The following MAPT variants were observed in gnomAD, a reference collection of about 807,000 sequenced individuals.
MAPT encodes the protein microtubule-associated protein tau.
In MAPT, 34 loss-of-function variants were observed where a neutral mutation model predicts 67.9. That is an observed-to-expected ratio of 0.50 (90% CI 0.38 to 0.67). The LOEUF (loss-of-function observed/expected upper bound fraction) is 0.67. MAPT is among the 30% of genes least tolerant of loss of function. The pLI is 0.00. For synonymous variants in MAPT, 456 were observed against 464.5 expected, an observed-to-expected ratio of 0.98 and a Z score of 0.23; for missense variants, 881 against 1,115.2, an observed-to-expected ratio of 0.79 and a Z score of 2.99.
rs1172386152 is a variant in MAPT at position 45,918,082 on chromosome 17, T to A, written c.-18+23396T>A. On this transcript the variant is annotated intron_variant, in intron 1 of 12. Coordinates refer to ENST00000262410, the MANE Select transcript of MAPT (RefSeq NM_001377265.1). ...AGCCACCATGCCCAGCCAGCATCTT[T>A]CATTTTTCTGTCTGCTTTGGCCCTT... Among the ~76,000 whole-genome samples the A allele has an allele frequency of 2.0e-5, 3 of 152,102 alleles. No homozygotes were observed. The East Asian group carries it at 5.8e-4, about 29-fold the overall frequency.
Position 45,996,675 on chromosome 17 carries a change from C to T in MAPT, c.1998+11C>T. ...CCGGGAGGCGGGAAGGTGAGAGTGGCTGGCTGCGCGTGGAGGTGTGGGGGG... is the reference window on the plus strand; with the variant it reads ...CCGGGAGGCGGGAAGGTGAGAGTGGTTGGCTGCGCGTGGAGGTGTGGGGGG... On this transcript the variant is annotated intron_variant, in intron 9 of 12. Coordinates refer to ENST00000262410, the MANE Select transcript of MAPT (RefSeq NM_001377265.1). This position sits in a 1 kb window ranked among gnomAD's most constrained non-coding sequence, Gnocchi z 4.5. The T allele has an allele frequency of 1.2e-6, 2 of 1,612,854 alleles. No homozygotes were observed. The highest frequency in any genetic ancestry group is 2.2e-5 in the South Asian group (2 of 90,958).
At chr17:45,994,699 C>A (rs1395477406) in intron 8 of MAPT, among the ~76,000 whole-genome samples, 1 of 152,074 alleles carries the variant, frequency 6.6e-6, no homozygotes, top group Non-Finnish European at 1.5e-5. Context: ...AAGTCAAATT[C>A]TAAAAACTGG....
chr17:45,921,976 T>G (rs2065774553), intron 1 of MAPT, among the ~76,000 whole-genome samples: 1 of 151,692 alleles, frequency 6.6e-6, no homozygotes, highest in Non-Finnish European at 1.5e-5. Flanking sequence ...CTGAGGCGCC[T>G]CTTTCTGGCT....
Position 46,023,938 on chromosome 17 carries a change from CCCTT to C in MAPT, c.2287-14_2287-11del, listed in dbSNP as rs1392366635. On this transcript the variant is annotated splice_polypyrimidine_tract_variant and intron_variant, in intron 12 of 12. Transcript: ENST00000262410. ...TCTGGCACTTCATCTCACCCTCCCT[CCCTT>C]CCTCTTCTTGCAGATTGAAACCCAC... 1.9e-6 allele frequency: 3 copies of C among 1,610,746 alleles called. No homozygotes were observed. The highest frequency in any genetic ancestry group is 1.7e-6 in the Non-Finnish European group (2 of 1,177,358).
chr17:46,028,261 T>G lies in MAPT; in HGVS notation c.*4090T>G, dbSNP rs2076905986. The G allele has an allele frequency of 6.6e-6, 1 of 152,614 alleles. No individual in the cohort carries two copies. The highest frequency in any genetic ancestry group is 1.5e-5 in the Non-Finnish European group (1 of 68,034). 9.5% of individuals were successfully genotyped at this position (152,614 alleles called of 1,614,324 possible). On this transcript the variant is annotated 3_prime_UTR_variant, in exon 13 of 13. Transcript: ENST00000262410. ...GTGAATGTCTATATAGTGTATTGTG[T>G]GTTTTAACAAATGATTTACACTGAC...
At chr17:45,895,114 G>A (rs2063086007) in intron 1 of MAPT, 1 of 151,026 alleles carries the variant, frequency 6.6e-6, no homozygotes, top group Non-Finnish European at 1.5e-5. Flanking sequence ...AACGACCCCC[G>A]AAACCGAATC....
At chr17:45,946,615 A>AAAAAAAAATATATATATATATATATAT in intron 1 of MAPT, among the ~76,000 whole-genome samples, 3 of 100,406 alleles carry the variant, frequency 3.0e-5, no homozygotes, top group Admixed American at 2.3e-4. Flanking sequence ...AAAAAAAAAA[A>AAAAAAAAATATATATATATATATATAT]ATATATATAT....
intron 3 of MAPT, chr17:45,972,640 A>G (rs1019223363): frequency 6.0e-6 from 1 of 167,474 alleles, no homozygotes; most frequent in African/African-American, 2.4e-5. Flanking sequence ...CAGCACCTCA[A>G]GGGTCATTGA....
Position 45,983,121 on chromosome 17 carries a change from GGGCCGAGAAGGGTCC to G in MAPT, c.547_561del (p.Glu183_Ala187del), listed in dbSNP as rs1237907667. 2 of 1,569,998 alleles carry G rather than the reference GGGCCGAGAAGGGTCC, an allele frequency of 1.3e-6. No homozygotes were observed. Among genetic ancestry groups the G allele is most frequent in the Non-Finnish European group, 1.7e-6 (2 of 1,156,346 alleles). On this transcript the variant is annotated inframe_deletion, in exon 5 of 13. Coordinates refer to ENST00000262410, the MANE Select transcript of MAPT (RefSeq NM_001377265.1). ...GAGTGGGGACAAAAAGGCGGGGACTGGGCCGAGAAGGGTCCGGCCTTTCCGAAGCCCGCCACCACT... is the reference window on the plus strand; with the variant it reads ...GAGTGGGGACAAAAAGGCGGGGACTGGGCCTTTCCGAAGCCCGCCACCACT...
Position 45,901,546 on chromosome 17 carries a change from T to C in MAPT, c.-18+6860T>C, listed in dbSNP as rs1307780111. ...GGTGTACTGAATCTTAGGAATTCCA[T>C]GTATCCAATAAGTATAGTCATTTAT... is the stretch of plus-strand genomic sequence containing the variant. On this transcript the variant is annotated intron_variant, in intron 1 of 12. Transcript: ENST00000262410. 2.6e-5 allele frequency among the ~76,000 whole-genome samples: 4 copies of C among 152,220 alleles called. No individual in the cohort carries two copies. In the South Asian group the frequency reaches 6.2e-4, roughly 24 times the overall value.
intron 1 of MAPT, among the ~76,000 whole-genome samples, chr17:45,946,081 T>A (rs1342366784): frequency 6.6e-6 from 1 of 151,942 alleles, no homozygotes; most frequent in African/African-American, 2.4e-5. Context: ...CTTTAAAGAA[T>A]AAGAGTGGTT....
At chr17:46,002,132 A>C (rs185163101) in intron 9 of MAPT, among the ~76,000 whole-genome samples, 13 of 152,314 alleles carry the variant, frequency 8.5e-5, no homozygotes, top group Admixed American at 4.6e-4. Flanking sequence ...GAGAGTTCAC[A>C]CTGGCAGAAG....
intron 1 of MAPT, among the ~76,000 whole-genome samples, chr17:45,905,806 C>T (rs918325525): frequency 2.0e-5 from 3 of 152,216 alleles, no homozygotes; most frequent in Non-Finnish European, 4.4e-5. Flanking sequence ...CTCTTCTGTT[C>T]GCATAGTCAT....
intron 1 of MAPT, among the ~76,000 whole-genome samples, chr17:45,952,549 C>G (rs2069190123): frequency 6.6e-6 from 1 of 152,192 alleles, no homozygotes; most frequent in Non-Finnish European, 1.5e-5. Context: ...CTTTGGGAGG[C>G]CAAGGCAGGT....
Position 45,991,492 on chromosome 17 carries a change from G to T in MAPT, c.1638G>T (p.Pro546=), listed in dbSNP as rs201046056. 6.2e-7 allele frequency: 1 copy of T among 1,614,190 alleles called. No individual in the cohort carries two copies. The highest frequency in any genetic ancestry group is 1.7e-5 in the Admixed American group (1 of 60,022). Residue 546 remains proline (P), a synonymous_variant, in exon 8 of 13, where the codon CCG becomes CCT. Coordinates refer to ENST00000262410, the MANE Select transcript of MAPT (RefSeq NM_001377265.1). ...ATGGTAAAACGAAGATCGCCACACC[G>T]CGGGGAGCAGCCCCTCCAGGCCAGA... ...GADGKTKIAT[P]RGAAPPGQKG... is the part of the protein sequence containing the mutation.
rs1427073426 is a variant in MAPT, at chr17:45,996,796, T to G, written c.1998+132T>G. On this transcript the variant is annotated intron_variant, in intron 9 of 12. Coordinates refer to ENST00000262410, the MANE Select transcript of MAPT (RefSeq NM_001377265.1). The surrounding 1 kb of genome is among the most constrained non-coding windows in gnomAD (Gnocchi z 4.5). Reference sequence around the variant, plus strand: ...AGTCGTGGGACTGTGCATGGAGGTGTGGGGCTCCCCGCACCTGAGCACCCC... The same window carrying G: ...AGTCGTGGGACTGTGCATGGAGGTGGGGGGCTCCCCGCACCTGAGCACCCC... The G allele has an allele frequency of 1.6e-6, 2 of 1,274,898 alleles. No individual in the cohort carries two copies. The highest frequency in any genetic ancestry group is 2.1e-6 in the Non-Finnish European group (2 of 930,884). 79.0% of individuals were successfully genotyped at this position (1,274,898 alleles called of 1,614,324 possible).
chr17:45,907,303 A>T (rs62056809), intron 1 of MAPT, among the ~76,000 whole-genome samples: 19 of 151,928 alleles, frequency 1.3e-4, no homozygotes, highest in Non-Finnish European at 2.4e-4. Context: ...CTCAGTGTCC[A>T]TCTTCCCCGA....
At chr17:45,913,082 C>T (rs968486473) in intron 1 of MAPT, among the ~76,000 whole-genome samples, 9 of 152,160 alleles carry the variant, frequency 5.9e-5, no homozygotes, top group African/African-American at 1.9e-4. Flanking sequence ...TGTATTAGTC[C>T]GTTTTCACGC....
intron 10 of MAPT, among the ~76,000 whole-genome samples, chr17:46,012,782 A>C (rs75666751): frequency 0.18 from 21,125 of 117,540 alleles, 2,070 homozygotes; most frequent in Middle Eastern, 0.26. Context: ...GAGTTACCTC[A>C]CCCAGGCCAG....
Sources: gnomAD v4.1 joint callset for allele counts (sites outside exome capture counted in the v4.1 genomes callset) on GRCh38, gnomAD v4.1.1 for gene constraint, Gnocchi (gnomAD v3.1) non-coding constraint, MANE v1.5 for transcripts, NCBI Gene and HGNC (gene_info 2026-07-23, HGNC 2026-07-21) for gene names.